SLC9A8: variants seen among roughly 807,000 people sequenced by gnomAD.
SLC9A8 encodes solute carrier family 9 member A8.
In SLC9A8, 48 loss-of-function variants were observed where a neutral mutation model predicts 66.6. The ratio of observed to expected loss-of-function variants is 0.72; its 90% confidence interval spans 0.57 to 0.92. SLC9A8 has a LOEUF of 0.92. Ranked by LOEUF, SLC9A8 falls within the 40% of genes least tolerant of loss-of-function variation. The probability of loss-of-function intolerance (pLI) is 0.00; values close to 1 mark genes in which losing one functional copy is unlikely to be tolerated. For missense variants in SLC9A8, 599 were observed against 747.3 expected (o/e 0.80, Z 2.31); for synonymous variants, 274 against 282.6 (o/e 0.97, Z 0.31).
At chr20:49,871,786 T>G (rs1323763274) in intron 10 of SLC9A8, among the ~76,000 whole-genome samples, 1 of 152,224 alleles carries the variant, frequency 6.6e-6, no homozygotes, top group Non-Finnish European at 1.5e-5. Context: ...GTGGGTCAGG[T>G]GCACAGGTGG....
At chr20:49,855,817 G>T (rs890776411) in intron 8 of SLC9A8, among the ~76,000 whole-genome samples, 1 of 151,976 alleles carries the variant, frequency 6.6e-6, no homozygotes, top group African/African-American at 2.4e-5. Flanking sequence ...TTGAGACAGG[G>T]TCTCGCTCTG....
In SLC9A8 at chr20:49,862,909, T is replaced by C. The variant is rs780911955; in HGVS notation, c.714-20T>C. 1.9e-6 allele frequency: 3 copies of C among 1,581,380 alleles called. No individual in the cohort carries two copies. The highest frequency in any genetic ancestry group is 1.7e-4 in the Middle Eastern group (1 of 5,952). On this transcript the variant is annotated intron_variant, in intron 8 of 15. Coordinates refer to ENST00000361573, the MANE Select transcript of SLC9A8 (RefSeq NM_015266.3). Reference sequence around the variant, plus strand: ...TGTATATAACATTTTAATTTATTTCTGTTTTCTTTCATTTCCTAGCACAGC... The same window carrying C: ...TGTATATAACATTTTAATTTATTTCCGTTTTCTTTCATTTCCTAGCACAGC...
rs545785493 is a variant in SLC9A8 at position 49,869,703 on chromosome 20, C to T, written c.958+4859C>T. ...AAAATATTATCTGGGCATGGTGGCA[C>T]GTGCTGGTAGTCCCAGCTACTCGGC... On this transcript the variant is annotated intron_variant, in intron 10 of 15. Coordinates refer to ENST00000361573, the MANE Select transcript of SLC9A8 (RefSeq NM_015266.3). 7.2e-4 allele frequency among the ~76,000 whole-genome samples: 109 copies of T among 152,048 alleles called. 1 individual carries two copies. The highest frequency in any genetic ancestry group is 2.5e-3 in the African/African-American group (102 of 41,522).
At chr20:49,831,129 C>T in intron 3 of SLC9A8, 2 of 540,338 alleles carry the variant, frequency 3.7e-6, no homozygotes, top group South Asian at 3.6e-5. Context: ...TCTCCGCTAA[C>T]TCCCTCTTCC....
At chr20:49,846,848 G>A (rs1304614162) in intron 5 of SLC9A8, among the ~76,000 whole-genome samples, 2 of 152,112 alleles carry the variant, frequency 1.3e-5, no homozygotes, top group African/African-American at 2.4e-5. Context: ...GCTTGAACTC[G>A]GGAGGTGGAG....
intron 10 of SLC9A8, among the ~76,000 whole-genome samples, chr20:49,869,078 C>G (rs2089089957): frequency 6.6e-6 from 1 of 152,140 alleles, no homozygotes; most frequent in Non-Finnish European, 1.5e-5. Flanking sequence ...TGAATAGACC[C>G]CACTTAGGCA....
chr20:49,876,266 G>C (rs527291596), intron 11 of SLC9A8, among the ~76,000 whole-genome samples: 1 of 152,156 alleles, frequency 6.6e-6, no homozygotes, highest in Non-Finnish European at 1.5e-5. Context: ...TACAGATTCT[G>C]ACCCTGAGCC....
At chr20:49,833,542 C>T (rs931704344) in intron 3 of SLC9A8, among the ~76,000 whole-genome samples, 3 of 152,096 alleles carry the variant, frequency 2.0e-5, no homozygotes, top group African/African-American at 7.2e-5. Flanking sequence ...TAATGGTAGC[C>T]CTGCAGTGCA....
chr20:49,846,636 G>A (rs1433357240), intron 5 of SLC9A8, among the ~76,000 whole-genome samples: 6 of 151,936 alleles, frequency 3.9e-5, no homozygotes, highest in Non-Finnish European at 4.4e-5. Context: ...TAATATGGTC[G>A]GGCCCAGTGG....
intron 3 of SLC9A8, among the ~76,000 whole-genome samples, chr20:49,825,383 G>GT (rs1367856165): frequency 3.3e-5 from 5 of 152,212 alleles, no homozygotes; most frequent in Non-Finnish European, 7.3e-5. Flanking sequence ...GCTTATGCCT[G>GT]TAATTCTAGC....
At chr20:49,885,175 C>A (rs921401400) in intron 14 of SLC9A8, among the ~76,000 whole-genome samples, 8 of 152,232 alleles carry the variant, frequency 5.3e-5, no homozygotes, top group African/African-American at 1.9e-4. Flanking sequence ...TTTGCCCCCA[C>A]CCCCTATCTA....
chr20:49,828,174 G>A (rs1010106183), intron 3 of SLC9A8, among the ~76,000 whole-genome samples: 20 of 147,964 alleles, frequency 1.4e-4, no homozygotes, highest in Middle Eastern at 3.5e-3. Context: ...TCCGTCTCCC[G>A]GGTTCAAGTG....
At chr20:49,878,750 T>G (rs1416381082) in intron 12 of SLC9A8, among the ~76,000 whole-genome samples, 1 of 152,160 alleles carries the variant, frequency 6.6e-6, no homozygotes, top group Admixed American at 6.5e-5. Flanking sequence ...CTGGGCGCGG[T>G]GGCTCACACC....
chr20:49,834,226 CTATG>C (rs1302417557), intron 3 of SLC9A8, among the ~76,000 whole-genome samples: 3 of 136,356 alleles, frequency 2.2e-5, no homozygotes, highest in Non-Finnish European at 1.6e-5. Flanking sequence ...CACACACACA[CTATG>C]TATATACACA....
chr20:49,848,575 TAAG>T (rs2088109625), intron 5 of SLC9A8, among the ~76,000 whole-genome samples: 2 of 152,218 alleles, frequency 1.3e-5, no homozygotes, highest in African/African-American at 4.8e-5. Flanking sequence ...TGGTAGCTCC[TAAG>T]TGGAGTTCAT....
At chr20:49,884,293 C>CACG (rs2089792611) in intron 14 of SLC9A8, 3 of 283,300 alleles carry the variant, frequency 1.1e-5, no homozygotes, top group East Asian at 1.1e-4. Flanking sequence ...ACACACGACA[C>CACG]ACACACACAC....
In SLC9A8 at chr20:49,834,386, GTGTATA is replaced by G. The variant is rs1291191072; in HGVS notation, c.290-5153_290-5148del. ...TATACTGTGTATATATATATATACTGTGTATATATATATACTGTGTATATATATATA... is the reference window on the plus strand; with the variant it reads ...TATACTGTGTATATATATATATACTGTATATATACTGTGTATATATATATA... On this transcript the variant is annotated intron_variant, in intron 3 of 15. Coordinates refer to ENST00000361573, the MANE Select transcript of SLC9A8 (RefSeq NM_015266.3). Among the ~76,000 whole-genome samples, 226 of 37,044 alleles carry G rather than the reference GTGTATA, an allele frequency of 6.1e-3. 3 individuals carry two copies. The highest frequency in any genetic ancestry group is 9.7e-3 in the African/African-American group (52 of 5,342). The allele number at this position is 37,044 out of a possible 152,430, so 24.3% of individuals were successfully genotyped here.
intron 3 of SLC9A8, among the ~76,000 whole-genome samples, chr20:49,834,177 CTCTCTCTCTATATA>C (rs1242198640): frequency 0.023 from 1,301 of 56,834 alleles, 12 homozygotes; most frequent in Non-Finnish European, 0.027. Context: ...CTCTCTCTCT[CTCTCTCTCTATATA>C]TATATATATA....
chr20:49,817,313 A>C (rs2086586762), intron 2 of SLC9A8, among the ~76,000 whole-genome samples: 1 of 151,608 alleles, frequency 6.6e-6, no homozygotes, highest in South Asian at 2.1e-4. Context: ...GGGAAACTCC[A>C]TACCCCACCC....
Sources: allele counts gnomAD v4.1 joint callset (sites outside exome capture counted in the v4.1 genomes callset), GRCh38; gene constraint gnomAD v4.1.1; transcripts MANE v1.5; gene names NCBI Gene and HGNC (gene_info 2026-07-23, HGNC 2026-07-21).